CNTN5: variants seen among roughly 807,000 people sequenced by gnomAD.
The protein encoded by CNTN5 is contactin 5.
Under a neutral mutation model 129.1 loss-of-function variants are expected in CNTN5, and 77 were observed. That is an observed-to-expected ratio of 0.60 (90% CI 0.50 to 0.72). The LOEUF is 0.72. Among genes scored for constraint, CNTN5 ranks in the 30% least tolerant of loss-of-function variants. The probability of loss-of-function intolerance (pLI) is 0.00; values close to 1 mark genes in which losing one functional copy is unlikely to be tolerated. For missense variants in CNTN5, 1,478 were observed against 1,328.8 expected, an observed-to-expected ratio of 1.11 and a Z score of -1.75; for synonymous variants, 509 against 465.6, an observed-to-expected ratio of 1.09 and a Z score of -1.20.
At chr11:99,647,154 A>G (rs1951995369) in intron 3 of CNTN5, among the ~76,000 whole-genome samples, 1 of 152,024 alleles carries the variant, frequency 6.6e-6, no homozygotes, top group Admixed American at 6.6e-5. Context: ...TAGTAGTTTT[A>G]TAGTTTCAAG....
rs1489701540 is a variant in CNTN5, at chr11:100,131,885, T to G, written c.1580+57591T>G. ...TGATAAGGGCCATGATAGAAGCATG[T>G]ACAGAGTATTCTAGGGACCTTAGAG... is the stretch of plus-strand genomic sequence containing the variant. On this transcript the variant is annotated intron_variant, in intron 13 of 24. Coordinates refer to ENST00000524871, the MANE Select transcript of CNTN5 (RefSeq NM_014361.4). Among the ~76,000 whole-genome samples, 61 of 152,002 alleles carry G rather than the reference T, an allele frequency of 4.0e-4. 2 individuals are homozygous for G. Among genetic ancestry groups the G allele is most frequent in the Admixed American group, 4.0e-3 (61 of 15,230 alleles).
chr11:99,173,423 C>A (rs992579373), intron 1 of CNTN5, among the ~76,000 whole-genome samples: 3 of 152,100 alleles, frequency 2.0e-5, no homozygotes, highest in Non-Finnish European at 4.4e-5. Context: ...TAATGTTTTA[C>A]TTTAAGGAGA....
chr11:100,260,805 A>G (rs1245590522), intron 17 of CNTN5, among the ~76,000 whole-genome samples: 1 of 152,182 alleles, frequency 6.6e-6, no homozygotes, highest in Admixed American at 6.6e-5. Context: ...TCAAAATAGT[A>G]AGAGTTATTT....
intron 3 of CNTN5, among the ~76,000 whole-genome samples, chr11:99,815,616 A>G (rs1353680528): frequency 1.3e-5 from 2 of 152,262 alleles, no homozygotes; most frequent in East Asian, 3.9e-4. Context: ...TTCATCCCTT[A>G]TGTCTGAACT....
intron 2 of CNTN5, among the ~76,000 whole-genome samples, chr11:99,510,874 G>T (rs1033446670): frequency 6.6e-6 from 1 of 152,224 alleles, no homozygotes; most frequent in South Asian, 2.1e-4. Context: ...CCTTAGGCAA[G>T]TTCTTCAGGA....
At chr11:99,693,493 AG>A (rs1293507362) in intron 3 of CNTN5, among the ~76,000 whole-genome samples, 6 of 151,836 alleles carry the variant, frequency 4.0e-5, no homozygotes, top group African/African-American at 1.5e-4. Flanking sequence ...GAAGCTGATG[AG>A]GTAAAGGTTA....
At chr11:99,599,807 A>G (rs1950258339) in intron 3 of CNTN5, among the ~76,000 whole-genome samples, 1 of 152,174 alleles carries the variant, frequency 6.6e-6, no homozygotes, top group Non-Finnish European at 1.5e-5. Context: ...ACACTTTGTC[A>G]GAAGTTTAAA....
chr11:100,066,225 C>A (rs187385529), intron 10 of CNTN5, among the ~76,000 whole-genome samples: 1 of 152,038 alleles, frequency 6.6e-6, no homozygotes, highest in Non-Finnish European at 1.5e-5. Context: ...TCATTCTCAG[C>A]GACATAATAG....
intron 18 of CNTN5, among the ~76,000 whole-genome samples, chr11:100,293,534 G>A (rs553285395): frequency 2.0e-5 from 3 of 151,590 alleles, no homozygotes; most frequent in African/African-American, 4.8e-5. Context: ...TCTCTTTTTC[G>A]AATCTAAACA....
At chr11:99,098,152 C>T (rs1176932535) in intron 1 of CNTN5, among the ~76,000 whole-genome samples, 3 of 152,042 alleles carry the variant, frequency 2.0e-5, no homozygotes, top group Admixed American at 2.0e-4. Context: ...AGAGACAACA[C>T]ATTTCTCATT....
Position 100,131,478 on chromosome 11 carries a change from G to T in CNTN5, c.1580+57184G>T, listed in dbSNP as rs574831208. ...AAGTTTTCAACATGTTAAGGTTGAGGTATTTGTGAGTTATCCAAATGGCTA... is the reference window on the plus strand; with the variant it reads ...AAGTTTTCAACATGTTAAGGTTGAGTTATTTGTGAGTTATCCAAATGGCTA... On this transcript the variant is annotated intron_variant, in intron 13 of 24. Coordinates refer to ENST00000524871, the MANE Select transcript of CNTN5 (RefSeq NM_014361.4). Among the ~76,000 whole-genome samples, 4 of 152,152 alleles carry T rather than the reference G, an allele frequency of 2.6e-5. No homozygotes were observed. In the East Asian group the frequency reaches 7.7e-4, roughly 29 times the overall value.
intron 2 of CNTN5, among the ~76,000 whole-genome samples, chr11:99,437,695 C>A (rs991872469): frequency 1.3e-5 from 2 of 151,970 alleles, no homozygotes; most frequent in Admixed American, 6.6e-5. Context: ...GGGTGGCATG[C>A]GCCTGTAATC....
intron 18 of CNTN5, among the ~76,000 whole-genome samples, chr11:100,281,336 T>C (rs1405714665): frequency 6.6e-6 from 1 of 152,146 alleles, no homozygotes; most frequent in Non-Finnish European, 1.5e-5. Flanking sequence ...TCCTTATGTT[T>C]GAAGGATATT....
intron 2 of CNTN5, among the ~76,000 whole-genome samples, chr11:99,538,091 G>A (rs1176628734): frequency 6.6e-6 from 1 of 152,102 alleles, no homozygotes; most frequent in Non-Finnish European, 1.5e-5. Context: ...GAAATGTGTG[G>A]ACTTTTACAT....
chr11:99,423,404 CG>C (rs1238396662), intron 2 of CNTN5, among the ~76,000 whole-genome samples: 2 of 152,104 alleles, frequency 1.3e-5, no homozygotes, highest in Non-Finnish European at 2.9e-5. Flanking sequence ...GCTCCTTGGT[CG>C]TTGAGAAAGA....
chr11:100,271,853 T>C (rs1950413876), intron 18 of CNTN5, among the ~76,000 whole-genome samples: 1 of 152,180 alleles, frequency 6.6e-6, no homozygotes, highest in Non-Finnish European at 1.5e-5. Flanking sequence ...ACAGCTCTAT[T>C]TGAATTTTAA....
intron 16 of CNTN5, among the ~76,000 whole-genome samples, chr11:100,246,617 A>C (rs949828026): frequency 6.6e-6 from 1 of 152,116 alleles, no homozygotes; most frequent in African/African-American, 2.4e-5. Context: ...TTTGTTTAGG[A>C]AAACAGCATA....
At chr11:99,739,576 A>G (rs1421866878) in intron 3 of CNTN5, among the ~76,000 whole-genome samples, 2 of 152,140 alleles carry the variant, frequency 1.3e-5, no homozygotes, top group Admixed American at 6.6e-5. Flanking sequence ...TGACCTGAAC[A>G]TGTATCTTAT....
intron 2 of CNTN5, among the ~76,000 whole-genome samples, chr11:99,552,417 A>T (rs967923480): frequency 3.0e-4 from 45 of 152,126 alleles, no homozygotes; most frequent in Admixed American, 2.4e-3. Flanking sequence ...GATAACTAAG[A>T]TGTAAATAGA....
Sources: gnomAD v4.1 joint callset for allele counts (sites outside exome capture counted in the v4.1 genomes callset) on GRCh38, gnomAD v4.1.1 for gene constraint, MANE v1.5 for transcripts, NCBI Gene and HGNC (gene_info 2026-07-23, HGNC 2026-07-21) for gene names.